SPAG6: variants seen among roughly 807,000 people sequenced by gnomAD.
SPAG6 encodes the protein sperm-associated antigen 6.
SPAG6 carries 49 observed loss-of-function variants against 58.5 expected under a neutral mutation model. The observed-to-expected ratio is 0.84, with a 90% CI of 0.67 to 1.06. SPAG6 has a LOEUF of 1.06. Among genes scored for constraint, SPAG6 ranks in the 50% least tolerant of loss-of-function variants. The probability of loss-of-function intolerance (pLI) is 0.00; values close to 1 mark genes in which losing one functional copy is unlikely to be tolerated. For synonymous variants in SPAG6, 233 were observed against 225.6 expected, an observed-to-expected ratio of 1.03 and a Z score of -0.29; for missense variants, 560 against 611.3, an observed-to-expected ratio of 0.92 and a Z score of 0.89.
rs1564384057 is a variant in SPAG6, at chr10:22,413,687, T to TTATATATATATATA, written c.1460+2511_1460+2512insTATATATATATATA. Among the ~76,000 whole-genome samples, 799 of 130,144 alleles carry TTATATATATATATA rather than the reference T, an allele frequency of 6.1e-3. 16 individuals are homozygous for TTATATATATATATA. Among genetic ancestry groups the TTATATATATATATA allele is most frequent in the African/African-American group, 0.034 (763 of 22,454 alleles). 85.4% of individuals were successfully genotyped at this position (130,144 alleles called of 152,430 possible). ...TACCTGACTAATGTTTTCAAATTTC[T>TTATATATATATATA]GATATATATATATATATATATTTCA... On this transcript the variant is annotated intron_variant, in intron 10 of 10. Coordinates refer to ENST00000376624, the MANE Select transcript of SPAG6 (RefSeq NM_012443.4).
chr10:22,361,266 G>A (rs940530329), intron 2 of SPAG6: 1 of 158,116 alleles, frequency 6.3e-6, no homozygotes, highest in African/African-American at 2.4e-5. Flanking sequence ...TTATAATAGA[G>A]CAGAAACATC....
intron 7 of SPAG6, among the ~76,000 whole-genome samples, chr10:22,391,309 A>G (rs1348546642): frequency 6.6e-6 from 1 of 152,198 alleles, no homozygotes; most frequent in Non-Finnish European, 1.5e-5. Context: ...GGCTTATTAT[A>G]TCAGGTTTAT....
intron 4 of SPAG6, among the ~76,000 whole-genome samples, chr10:22,372,221 C>T (rs188882662): frequency 6.6e-6 from 1 of 152,162 alleles, no homozygotes; most frequent in African/African-American, 2.4e-5. Flanking sequence ...AATCTCTTAC[C>T]ATGCCCGCTT....
chr10:22,354,241 A>T (rs1029078772), intron 2 of SPAG6, among the ~76,000 whole-genome samples: 7 of 152,200 alleles, frequency 4.6e-5, no homozygotes, highest in Admixed American at 2.0e-4. Flanking sequence ...GTCATGTTTG[A>T]TAAGAAATGT....
chr10:22,395,227 T>C (rs1331796919), intron 8 of SPAG6, among the ~76,000 whole-genome samples: 1 of 152,196 alleles, frequency 6.6e-6, no homozygotes, highest in Non-Finnish European at 1.5e-5. Context: ...CAAGTTTTCG[T>C]GTGGATGTAT....
chr10:22,384,282 C>T lies in SPAG6; in HGVS notation c.473-2472C>T, dbSNP rs372378245. ...GTATCTCAGTTTATTACAGAGCTTT[C>T]ACAGTTGCTTCCAGCTGACTTCTGC... On this transcript the variant is annotated intron_variant, in intron 4 of 10. Transcript: ENST00000376624. 1.2e-4 allele frequency among the ~76,000 whole-genome samples: 19 copies of T among 152,298 alleles called. No homozygotes were observed. In the East Asian group the frequency reaches 1.5e-3, roughly 12 times the overall value.
At chr10:22,349,745 T>C (rs1285879958) in intron 2 of SPAG6, among the ~76,000 whole-genome samples, 4 of 152,216 alleles carry the variant, frequency 2.6e-5, no homozygotes, top group Non-Finnish European at 4.4e-5. Context: ...AGAGTAGGAA[T>C]AAATAAGTTT....
chr10:22,346,345 C>A (rs887663645), intron 2 of SPAG6, among the ~76,000 whole-genome samples: 12 of 151,650 alleles, frequency 7.9e-5, no homozygotes, highest in African/African-American at 2.7e-4. Context: ...AGTCCGGACT[C>A]TTGCAGATGT....
chr10:22,347,297 G>T (rs944785811), intron 2 of SPAG6, among the ~76,000 whole-genome samples: 1 of 152,076 alleles, frequency 6.6e-6, no homozygotes, highest in African/African-American at 2.4e-5. Flanking sequence ...CTGTGTGTGT[G>T]TATGCACCCG....
intron 4 of SPAG6, among the ~76,000 whole-genome samples, chr10:22,368,916 GGA>G (rs1192354684): frequency 6.6e-6 from 1 of 152,110 alleles, no homozygotes; most frequent in Middle Eastern, 3.2e-3. Context: ...GTGGAGAAAA[GGA>G]GAGAGGGGTG....
chr10:22,388,559 T>C (rs1231502530), intron 6 of SPAG6, among the ~76,000 whole-genome samples: 1 of 152,180 alleles, frequency 6.6e-6, no homozygotes. Flanking sequence ...AGTTCCTAGA[T>C]GGGAAAGAAA....
At chr10:22,346,030 A>G (rs766511017) in intron 2 of SPAG6, 467 of 1,542,682 alleles carry the variant, frequency 3.0e-4, no homozygotes, top group Non-Finnish European at 3.5e-4. Flanking sequence ...CCCTGTTTCC[A>G]TCTTCATTGC....
chr10:22,411,300 C>A, intron 10 of SPAG6, 124 bp downstream of exon 10: 1 of 691,448 alleles, frequency 1.4e-6, no homozygotes, highest in Non-Finnish European at 2.3e-6. Flanking sequence ...CAATATGTAC[C>A]TTTATTTCTC....
At chr10:22,358,413 C>T (rs1836931555) in intron 2 of SPAG6, among the ~76,000 whole-genome samples, 1 of 151,924 alleles carries the variant, frequency 6.6e-6, no homozygotes, top group Non-Finnish European at 1.5e-5. Context: ...ATATCCTTCG[C>T]CCACTTTTTG....
At chr10:22,413,066 C>CAAAAAAAAAAAAAA (rs775680159) in intron 10 of SPAG6, 48 of 43,278 alleles carry the variant, frequency 1.1e-3, no homozygotes, top group Middle Eastern at 0.017. Flanking sequence ...CAGAAAGATG[C>CAAAAAAAAAAAAAA]AAAAAAAAAA....
At chr10:22,355,675 GA>G (rs1303116298) in intron 2 of SPAG6, among the ~76,000 whole-genome samples, 1 of 152,044 alleles carries the variant, frequency 6.6e-6, no homozygotes, top group Non-Finnish European at 1.5e-5. Context: ...AATCACAATT[GA>G]CTTTATGTCT....
At chr10:22,407,758 G>A (rs1271087287) in intron 9 of SPAG6, among the ~76,000 whole-genome samples, 3,078 of 152,056 alleles carry the variant, frequency 0.02, 94 homozygotes, top group African/African-American at 0.07. Context: ...CATTCTCCCC[G>A]TCACTTTCAG....
Position 22,345,819 on chromosome 10 carries a change from G to T in SPAG6, c.121+1G>T, listed in dbSNP as rs1317695136. ...AACATCGAGACGCTGCAGAACGCGG[G>T]TGAGCCCGGAGCCCGAACCCCCGTC... On this transcript the variant is annotated splice_donor_variant, in intron 2 of 10. Transcript: ENST00000376624. LOFTEE classifies it high-confidence loss of function. This position sits in a 1 kb window ranked among gnomAD's most constrained non-coding sequence, Gnocchi z 6.3. The T allele has an allele frequency of 3.7e-6, 6 of 1,612,464 alleles. No individual in the cohort carries two copies. The highest frequency in any genetic ancestry group is 5.1e-6 in the Non-Finnish European group (6 of 1,179,424).
chr10:22,409,790 T>G (rs1834683557), intron 9 of SPAG6, among the ~76,000 whole-genome samples: 1 of 152,190 alleles, frequency 6.6e-6, no homozygotes, highest in Non-Finnish European at 1.5e-5. Context: ...CAGTCTTTTT[T>G]TTTGTCTCTC....
Sources: allele counts gnomAD v4.1 joint callset (sites outside exome capture counted in the v4.1 genomes callset), GRCh38; gene constraint gnomAD v4.1.1; non-coding constraint Gnocchi (gnomAD v3.1); transcripts MANE v1.5; gene names NCBI Gene and HGNC (gene_info 2026-07-23, HGNC 2026-07-21).